MRC1: variants seen among roughly 807,000 people sequenced by gnomAD.
MRC1 encodes macrophage mannose receptor 1.
Under a neutral mutation model 102.9 loss-of-function variants are expected in MRC1, and 62 were observed. That is an observed-to-expected ratio of 0.60 (90% CI 0.49 to 0.74). The LOEUF is 0.74. Among genes scored for constraint, MRC1 ranks in the 30% least tolerant of loss-of-function variants. MRC1 has a pLI of 0.00. For synonymous variants in MRC1, 457 were observed against 298.4 expected, an observed-to-expected ratio of 1.53 and a Z score of -5.48; for missense variants, 1,237 against 862.8, an observed-to-expected ratio of 1.43 and a Z score of -5.43.
rs1305008410 is a variant in MRC1, at chr10:17,879,705, G to T, written c.2619-16G>T. 14 of 780,810 alleles carry T rather than the reference G, an allele frequency of 1.8e-5. No homozygotes were observed. The African/African-American group carries it at 2.4e-4, about 13-fold the overall frequency. The allele number at this position is 780,810 out of a possible 1,614,324, so 48.4% of individuals were successfully genotyped here. ...ATGATTGGATCGTTTCAAAATGCCT[G>T]AATTTTCTTTTCCAGTTGGATGGAT... On this transcript the variant is annotated splice_polypyrimidine_tract_variant and intron_variant, in intron 18 of 29. Transcript: ENST00000569591.
At chr10:17,885,181 AT>A in intron 21 of MRC1, 87 bp from the exon 22 acceptor site, 1 of 771,970 alleles carries the variant, frequency 1.3e-6, no homozygotes, top group Admixed American at 1.7e-5. Context: ...CATGCTAAAT[AT>A]TTTGAAATTC....
intron 10 of MRC1, among the ~76,000 whole-genome samples, chr10:17,862,725 T>C (rs1833202189): frequency 6.6e-6 from 1 of 152,208 alleles, no homozygotes; most frequent in Non-Finnish European, 1.5e-5. Flanking sequence ...GTTGTATTGC[T>C]GTTAGGTTTC....
Position 17,813,706 on chromosome 10 carries a change from T to A in MRC1, c.61+4180T>A, listed in dbSNP as rs986503314. 5.5e-3 allele frequency among the ~76,000 whole-genome samples: 722 copies of A among 131,046 alleles called. 5 individuals are homozygous for A. Among genetic ancestry groups the A allele is most frequent in the African/African-American group, 0.011 (421 of 37,204 alleles). 86.0% of individuals were successfully genotyped at this position (131,046 alleles called of 152,430 possible). ...ATTATATATATATATATATATTTTT[T>A]TTTTTTTTTGAGACAGGGTCTCACT... On this transcript the variant is annotated intron_variant, in intron 1 of 29. Coordinates refer to ENST00000569591, the MANE Select transcript of MRC1 (RefSeq NM_002438.4).
At chr10:17,817,554 G>T (rs1351030938) in intron 1 of MRC1, among the ~76,000 whole-genome samples, 2 of 152,132 alleles carry the variant, frequency 1.3e-5, no homozygotes, top group Non-Finnish European at 2.9e-5. Context: ...TGTGGTCATT[G>T]TTTGTCAAGT....
intron 4 of MRC1, among the ~76,000 whole-genome samples, chr10:17,839,502 CTTTTAAAGAATT>C (rs1838718594): frequency 3.7e-5 from 2 of 54,114 alleles, no homozygotes; most frequent in Admixed American, 1.8e-4. Context: ...TGTGAAAATT[CTTTTAAAGAATT>C]TTTTTGAAGG....
intron 3 of MRC1, among the ~76,000 whole-genome samples, chr10:17,828,891 C>T (rs533227616): frequency 1.3e-5 from 2 of 151,328 alleles, no homozygotes; most frequent in Non-Finnish European, 2.9e-5. Flanking sequence ...TGGAGGAGGG[C>T]GTCATGTTGA....
At chr10:17,884,425 G>A (rs1420765129) in intron 21 of MRC1, among the ~76,000 whole-genome samples, 1 of 151,990 alleles carries the variant, frequency 6.6e-6, no homozygotes, top group East Asian at 1.9e-4. Context: ...TAATTTGATA[G>A]CTGTGTTAGT....
chr10:17,903,445 G>C (rs1345023524), intron 26 of MRC1, among the ~76,000 whole-genome samples: 2 of 135,070 alleles, frequency 1.5e-5, no homozygotes, highest in Non-Finnish European at 3.1e-5. Context: ...GCCCAGGCTG[G>C]AGTGCATTGG....
At chr10:17,836,848 A>G (rs1554839498) in intron 4 of MRC1, among the ~76,000 whole-genome samples, 1 of 152,116 alleles carries the variant, frequency 6.6e-6, no homozygotes, top group Admixed American at 6.6e-5. Flanking sequence ...AAATAAATAA[A>G]TAAATAAAAA....
chr10:17,853,332 TG>T (rs1246601785), intron 8 of MRC1, among the ~76,000 whole-genome samples: 1 of 152,148 alleles, frequency 6.6e-6, no homozygotes, highest in Non-Finnish European at 1.5e-5. Context: ...ACTGAAGCAA[TG>T]GACAGAAACT....
At position 17,872,142 on chromosome 10, in the gene MRC1, C is replaced by A. The variant is rs1833362873; in HGVS notation, c.2344+16C>A. The A allele has an allele frequency of 6.4e-6, 5 of 780,468 alleles. No homozygotes were observed. The highest frequency in any genetic ancestry group is 1.2e-5 in the Non-Finnish European group (5 of 417,698). The allele number at this position is 780,468 out of a possible 1,614,324, so 48.3% of individuals were successfully genotyped here. A position where few individuals can be genotyped will look rare whatever the true frequency, so the allele number is the denominator to read the frequency against. The stretch of plus-strand genomic sequence containing the variant: ...ATACAAAAAGGTATGATCACCTCTT[C>A]TCTCCTTTATCTCAGCTTGGTAGAC... On this transcript the variant is annotated intron_variant, in intron 15 of 29. Coordinates refer to ENST00000569591, the MANE Select transcript of MRC1 (RefSeq NM_002438.4).
At chr10:17,849,101 T>C (rs1838872622) in intron 6 of MRC1, among the ~76,000 whole-genome samples, 2 of 152,124 alleles carry the variant, frequency 1.3e-5, no homozygotes, top group African/African-American at 4.8e-5. Flanking sequence ...TAATCTAATA[T>C]GTATTAGTAT....
rs781948465 is a variant in MRC1 at position 17,866,686 on chromosome 10, G to A, written c.1908G>A (p.Pro636=). The change falls in exon 12 of 30, where the codon CCG becomes CCA. Residue 636 remains proline, a synonymous_variant. Transcript: ENST00000569591. ...GGGCAGAAGGAGTAACCCACCCACCGAAGCCCACGACGACTCCCGAACCCA... is the reference window on the plus strand; with the variant it reads ...GGGCAGAAGGAGTAACCCACCCACCAAAGCCCACGACGACTCCCGAACCCA... The part of the protein sequence containing the change: ...KHWAEGVTHP[P]KPTTTPEPKC... 3.5e-5 allele frequency: 27 copies of A among 780,716 alleles called. No individual in the cohort carries two copies. The highest frequency in any genetic ancestry group is 5.1e-5 in the Admixed American group (3 of 59,020). The allele number at this position is 780,716 out of a possible 1,614,324, so 48.4% of individuals were successfully genotyped here. A position where few individuals can be genotyped will look rare whatever the true frequency, so the allele number is the denominator to read the frequency against.
At position 17,881,053 on chromosome 10, in the gene MRC1, C is replaced by G; in HGVS notation, c.2866-14C>G. On this transcript the variant is annotated splice_polypyrimidine_tract_variant and intron_variant, in intron 20 of 29. Coordinates refer to ENST00000569591, the MANE Select transcript of MRC1 (RefSeq NM_002438.4). ...GCAGTTTTTCTTTTTTTCTCTGCCC[C>G]TCTTCCATCCCAGTGTTTCAAAATC... is the stretch of plus-strand genomic sequence containing the variant. The G allele has an allele frequency of 1.3e-6, 1 of 780,418 alleles. No individual in the cohort carries two copies. Among genetic ancestry groups the G allele is most frequent in the Non-Finnish European group, 2.4e-6 (1 of 417,906 alleles). 48.3% of individuals were successfully genotyped at this position (780,418 alleles called of 1,614,324 possible). A position where few individuals can be genotyped will look rare whatever the true frequency, so the allele number is the denominator to read the frequency against.
In MRC1 at chr10:17,823,188, G is replaced by T. The variant is rs782266740; in HGVS notation, c.176G>T (p.Arg59Leu). ...CNQDAESQKF[R>L]WVSESQIMSV... ...CAGGATGCCGAATCACAGAAATTCC[G>T]ATGGGTGTCCGAATCTCAGATTATG... The change falls in exon 2 of 30, where the codon CGA becomes CTA. Residue 59 changes from arginine (R) to leucine (L), a missense_variant. Arg to Leu is a moderately radical substitution (Grantham distance 102, BLOSUM62 -2). Coordinates refer to ENST00000569591, the MANE Select transcript of MRC1 (RefSeq NM_002438.4). 5.1e-6 allele frequency: 4 copies of T among 780,834 alleles called. No individual in the cohort carries two copies. Among genetic ancestry groups the T allele is most frequent in the East Asian group, 4.8e-5 (2 of 41,250 alleles). The allele number at this position is 780,834 out of a possible 1,614,324, so 48.4% of individuals were successfully genotyped here.
chr10:17,843,967 GGGGAGTACT>G (rs1401564127), intron 5 of MRC1, among the ~76,000 whole-genome samples: 1 of 152,180 alleles, frequency 6.6e-6, no homozygotes, highest in Non-Finnish European at 1.5e-5. Flanking sequence ...AAGCTAGTTT[GGGGAGTACT>G]GGTTTTTAAA....
At chr10:17,822,228 C>A (rs1397490665) in intron 1 of MRC1, among the ~76,000 whole-genome samples, 1 of 152,148 alleles carries the variant, frequency 6.6e-6, no homozygotes, top group Non-Finnish European at 1.5e-5. Context: ...AATATTCTCT[C>A]CAATGATATA....
chr10:17,907,295 A>G (rs1310482308), intron 27 of MRC1, among the ~76,000 whole-genome samples: 1 of 152,226 alleles, frequency 6.6e-6, no homozygotes, highest in East Asian at 1.9e-4. Context: ...GGATAAGTAT[A>G]AATATTTGTA....
intron 11 of MRC1, among the ~76,000 whole-genome samples, chr10:17,864,492 T>C (rs2130665401): frequency 6.6e-6 from 1 of 152,208 alleles, no homozygotes; most frequent in African/African-American, 2.4e-5. Flanking sequence ...TTTTATTTTG[T>C]CATCATAAAA....
Sources: allele counts gnomAD v4.1 joint callset (sites outside exome capture counted in the v4.1 genomes callset), GRCh38; gene constraint gnomAD v4.1.1; transcripts MANE v1.5; gene names NCBI Gene and HGNC (gene_info 2026-07-23, HGNC 2026-07-21).